TPD52: variants seen among roughly 807,000 people sequenced by gnomAD.
TPD52 encodes tumor protein D52.
TPD52 carries 17 observed loss-of-function variants against 31.3 expected under a neutral mutation model. The observed-to-expected ratio is 0.54, with a 90% CI of 0.37 to 0.82. The LOEUF (loss-of-function observed/expected upper bound fraction) is 0.82, where lower values mean the gene tolerates loss of function less well. Ranked by LOEUF, TPD52 falls within the 40% of genes least tolerant of loss-of-function variation. The probability of loss-of-function intolerance (pLI) is 0.00; values close to 1 mark genes in which losing one functional copy is unlikely to be tolerated. For synonymous variants in TPD52, 83 were observed against 89.6 expected (o/e 0.93, Z 0.42); for missense variants, 212 against 240.1 (o/e 0.88, Z 0.77).
At chr8:80,107,503 C>T (rs998365060) in intron 1 of TPD52, among the ~76,000 whole-genome samples, 5 of 152,172 alleles carry the variant, frequency 3.3e-5, no homozygotes, top group Non-Finnish European at 5.9e-5. Context: ...CAAGAAGGAC[C>T]TTTGGACTAC....
At chr8:80,065,491 G>T (rs1813040428) in intron 1 of TPD52, among the ~76,000 whole-genome samples, 1 of 151,966 alleles carries the variant, frequency 6.6e-6, no homozygotes, top group Non-Finnish European at 1.5e-5. Context: ...CTGCCCCTCA[G>T]ATCTCCCCTC....
chr8:80,092,788 A>G (rs200587771), intron 1 of TPD52, among the ~76,000 whole-genome samples: 6 of 129,900 alleles, frequency 4.6e-5, no homozygotes, highest in Non-Finnish European at 6.7e-5. Context: ...AAAAAAAAAA[A>G]AGATCACATA....
chr8:80,118,610 G>A (rs1180870256), intron 1 of TPD52, among the ~76,000 whole-genome samples: 2 of 152,178 alleles, frequency 1.3e-5, no homozygotes, highest in Non-Finnish European at 2.9e-5. Flanking sequence ...TTTCAAGTGT[G>A]CAAAGAATCT....
intron 1 of TPD52, among the ~76,000 whole-genome samples, chr8:80,100,243 C>T (rs539348291): frequency 8.1e-4 from 124 of 152,208 alleles, no homozygotes; most frequent in African/African-American, 2.8e-3. Context: ...TGAAATAAAC[C>T]AAAGTAATAT....
intron 1 of TPD52, among the ~76,000 whole-genome samples, chr8:80,154,750 C>CAAA (rs1488441445): frequency 7.5e-6 from 1 of 133,994 alleles, no homozygotes; most frequent in Non-Finnish European, 1.5e-5. Context: ...CACACACACA[C>CAAA]ACAAAACACC....
At chr8:80,157,754 CA>C (rs981952660) in intron 1 of TPD52, among the ~76,000 whole-genome samples, 26 of 152,300 alleles carry the variant, frequency 1.7e-4, no homozygotes, top group Middle Eastern at 3.4e-3. Flanking sequence ...TCATACCACC[CA>C]GGGAAAGTAT....
chr8:80,122,834 T>A (rs1808350362), intron 1 of TPD52: 1 of 152,214 alleles, frequency 6.6e-6, no homozygotes, highest in South Asian at 2.1e-4. Context: ...GGGAAGAAGG[T>A]GTTCAGTCAG....
intron 1 of TPD52, among the ~76,000 whole-genome samples, chr8:80,107,666 T>C (rs898645403): frequency 1.3e-5 from 2 of 152,232 alleles, no homozygotes; most frequent in Non-Finnish European, 1.5e-5. Flanking sequence ...AATGGAGATC[T>C]ATTCAAATTG....
Position 80,164,362 on chromosome 8 carries a change from T to C in TPD52, c.19+7063A>G, listed in dbSNP as rs374809711. ...AATTTAGTACATGACAACAGTGGTA[T>C]TTCAAATCAATAGAGGAAGAAGCCA... On this transcript the variant is annotated intron_variant, in intron 1 of 7. Coordinates refer to ENST00000518937, the MANE Select transcript of TPD52 (RefSeq NM_001025253.3). Among the ~76,000 whole-genome samples the C allele has an allele frequency of 1.5e-3, 225 of 152,318 alleles. 1 individual carries two copies. The highest frequency in any genetic ancestry group is 5.2e-3 in the African/African-American group (217 of 41,580).
chr8:80,137,256 A>G (rs1809500432), intron 1 of TPD52, among the ~76,000 whole-genome samples: 1 of 152,208 alleles, frequency 6.6e-6, no homozygotes, highest in South Asian at 2.1e-4. Context: ...AATATTCTAA[A>G]ATTAGATTGT....
intron 1 of TPD52, chr8:80,158,674 G>C (rs1297371793): frequency 6.6e-6 from 1 of 151,702 alleles, no homozygotes; most frequent in Non-Finnish European, 1.5e-5. Flanking sequence ...GGGCGCGGTG[G>C]CTCACGCCTG....
chr8:80,135,743 C>T (rs1809344003), intron 1 of TPD52, among the ~76,000 whole-genome samples: 1 of 147,766 alleles, frequency 6.8e-6, no homozygotes, highest in Non-Finnish European at 1.5e-5. Flanking sequence ...AAATGTCCAA[C>T]AATGATAGAC....
intron 1 of TPD52, among the ~76,000 whole-genome samples, chr8:80,139,281 T>C (rs540832827): frequency 6.6e-6 from 1 of 152,226 alleles, no homozygotes; most frequent in Non-Finnish European, 1.5e-5. Flanking sequence ...TAAAATCCAC[T>C]ATTTTTTTAT....
chr8:80,108,384 T>C (rs1006087425), intron 1 of TPD52, among the ~76,000 whole-genome samples: 5 of 152,262 alleles, frequency 3.3e-5, no homozygotes, highest in Non-Finnish European at 4.4e-5. Flanking sequence ...TTGATTATTA[T>C]GTTAAAATGT....
chr8:80,033,306 G>A (rs930039150), downstream of TPD52: 16 of 149,724 alleles, frequency 1.1e-4, no homozygotes, highest in East Asian at 4.0e-4. Context: ...CCGGCGGGGC[G>A]GGGAGGGGGG....
chr8:80,107,311 A>C (rs927776697), intron 1 of TPD52, among the ~76,000 whole-genome samples: 3 of 152,192 alleles, frequency 2.0e-5, no homozygotes, highest in Non-Finnish European at 4.4e-5. Context: ...AGCTAATCCT[A>C]GCTGTCCTTT....
chr8:80,120,849 G>C (rs1378223993), intron 1 of TPD52, among the ~76,000 whole-genome samples: 3 of 152,134 alleles, frequency 2.0e-5, no homozygotes, highest in Non-Finnish European at 4.4e-5. Context: ...GGAGGCTGAA[G>C]TGAGCAGATC....
intron 1 of TPD52, among the ~76,000 whole-genome samples, chr8:80,100,375 C>G (rs1806644689): frequency 2.0e-5 from 3 of 152,228 alleles, no homozygotes; most frequent in Admixed American, 1.3e-4. Flanking sequence ...AGATTGTACT[C>G]TGCTGCTTAT....
intron 1 of TPD52, among the ~76,000 whole-genome samples, chr8:80,089,959 C>T (rs1040492785): frequency 2.6e-5 from 4 of 152,052 alleles, no homozygotes; most frequent in African/African-American, 4.8e-5. Context: ...GCTAAAGAGA[C>T]GCAAGAAGAA....
Sources: allele counts gnomAD v4.1 joint callset (sites outside exome capture counted in the v4.1 genomes callset), GRCh38; gene constraint gnomAD v4.1.1; transcripts MANE v1.5; gene names NCBI Gene and HGNC (gene_info 2026-07-23, HGNC 2026-07-21).